PPP2R5B: variants seen among roughly 807,000 people sequenced by gnomAD.
PPP2R5B encodes the protein serine/threonine-protein phosphatase 2A 56 kDa regulatory subunit beta isoform.
In PPP2R5B, 19 loss-of-function variants were observed where a neutral mutation model predicts 59.9. The ratio of observed to expected loss-of-function variants is 0.32; its 90% CI spans 0.22 to 0.47. The LOEUF (loss-of-function observed/expected upper bound fraction) is 0.47. PPP2R5B is among the 20% of genes least tolerant of loss of function. The pLI is 1.00. For synonymous variants in PPP2R5B, 286 were observed against 260.5 expected (o/e 1.10, Z -0.94); for missense variants, 441 against 640.2 (o/e 0.69, Z 3.36).
chr11:64,933,290 G>T, intron 13 of PPP2R5B, 44 bp downstream of exon 13: 1 of 1,519,668 alleles, frequency 6.6e-7, no homozygotes, highest in South Asian at 1.1e-5. Context: ...GAAGAGCAGG[G>T]AGGAGTCAGA....
At chr11:64,919,589 AT>A (rs947837149) in intron 1 of PPP2R5B, among the ~76,000 whole-genome samples, 1 of 151,642 alleles carries the variant, frequency 6.6e-6, no homozygotes, top group African/African-American at 2.4e-5. Context: ...AAAAAAAAAA[AT>A]GTTTCAAAAA....
chr11:64,923,567 G>C (rs1330743549), upstream of PPP2R5B, among the ~76,000 whole-genome samples: 1 of 152,190 alleles, frequency 6.6e-6, no homozygotes, highest in Non-Finnish European at 1.5e-5. Context: ...TCTGCCTTCT[G>C]TTGCTTTGGT....
upstream of PPP2R5B, among the ~76,000 whole-genome samples, chr11:64,920,793 C>T (rs1221489560): frequency 6.6e-6 from 1 of 151,580 alleles, no homozygotes; most frequent in South Asian, 2.1e-4. Context: ...CCACGCCTGG[C>T]TAATTTTTCT....
intron 1 of PPP2R5B, among the ~76,000 whole-genome samples, chr11:64,919,576 CAA>C (rs71471962): frequency 7.2e-6 from 1 of 139,466 alleles, no homozygotes. Context: ...CCTGTGTCTA[CAA>C]AAAAAAAAAA....
upstream of PPP2R5B, among the ~76,000 whole-genome samples, chr11:64,922,753 A>C (rs184270518): frequency 5.9e-4 from 89 of 150,924 alleles, 1 homozygote; most frequent in African/African-American, 2.1e-3. Flanking sequence ...TGGGCGCCTG[A>C]AGTCCCAGCT....
rs1434468960 is a variant in PPP2R5B, at chr11:64,930,322, G to A, written c.723G>A (p.Arg241=). The part of the protein sequence containing the change: ...IRKQCNHIFL[R]FIYEFEHFNG... ...GCCCACCTGCGTTCTTCTCTTGCAGGTTCATCTATGAATTCGAGCACTTCA... is the reference window on the plus strand; with the variant it reads ...GCCCACCTGCGTTCTTCTCTTGCAGATTCATCTATGAATTCGAGCACTTCA... Residue 241 remains arginine, a splice_region_variant and synonymous_variant, in exon 7 of 14, where the codon CGG becomes CGA. Coordinates refer to ENST00000164133, the MANE Select transcript of PPP2R5B (RefSeq NM_006244.4). 2 of 1,613,912 alleles carry A rather than the reference G, an allele frequency of 1.2e-6. No homozygotes were observed. Among genetic ancestry groups the A allele is most frequent in the African/African-American group, 2.7e-5 (2 of 74,894 alleles).
Position 64,924,881 on chromosome 11 carries a change from C to T in PPP2R5B, c.-412C>T, listed in dbSNP as rs114383308. The T allele has an allele frequency of 0.02, 3,088 of 152,478 alleles. 105 individuals carry two copies. Among genetic ancestry groups the T allele is most frequent in the African/African-American group, 0.069 (2,889 of 41,570 alleles). The allele number at this position is 152,478 out of a possible 1,614,324, so 9.4% of individuals were successfully genotyped here. On this transcript the variant is annotated 5_prime_UTR_variant, in exon 1 of 14. Transcript: ENST00000164133. ...TGAGTTGGGGGCATGCTCTAGCCGC[C>T]CCCCCGGAGCCCGGGAGAGAACCCA...
chr11:64,918,358 G>GTTTCT (rs1337939047), intron 1 of PPP2R5B: 1 of 151,922 alleles, frequency 6.6e-6, no homozygotes, highest in African/African-American at 2.4e-5. Context: ...AGGTAATTAT[G>GTTTCT]TTTCTTTTCT....
chr11:64,926,639 G>A, intron 2 of PPP2R5B, 73 bp from the exon 3 acceptor site: 1 of 1,530,092 alleles, frequency 6.5e-7, no homozygotes, highest in Non-Finnish European at 8.9e-7. Flanking sequence ...GAGATTAGGA[G>A]GGTCTGCCCC....
chr11:64,923,088 G>A (rs2136674792), upstream of PPP2R5B: 1 of 152,284 alleles, frequency 6.6e-6, no homozygotes, highest in East Asian at 1.9e-4. Context: ...GCCTCCCAAA[G>A]TATTGAGATT....
chr11:64,929,053 C>T (rs1945201691), intron 6 of PPP2R5B, among the ~76,000 whole-genome samples: 1 of 152,052 alleles, frequency 6.6e-6, no homozygotes, highest in Non-Finnish European at 1.5e-5. Context: ...TTCTGTTTTC[C>T]AAGCCCTTTC....
intron 11 of PPP2R5B, among the ~76,000 whole-genome samples, chr11:64,932,333 G>A (rs1263498525): frequency 1.3e-5 from 2 of 152,224 alleles, no homozygotes; most frequent in Non-Finnish European, 1.5e-5. Flanking sequence ...AGCATGTGCA[G>A]ACTTCCTCCC....
At chr11:64,917,573 G>C (rs1945047017), upstream of PPP2R5B, 3 of 156,570 alleles carry the variant, frequency 1.9e-5, no homozygotes, top group Non-Finnish European at 4.3e-5. Flanking sequence ...ATCAAACTTC[G>C]TAGAAGCCTT....
upstream of PPP2R5B, among the ~76,000 whole-genome samples, chr11:64,923,466 G>T (rs1359766371): frequency 6.6e-6 from 1 of 152,198 alleles, no homozygotes; most frequent in Non-Finnish European, 1.5e-5. Context: ...AAGGCCTGCC[G>T]GAGGTTCCTG....
In PPP2R5B at chr11:64,930,394, G is replaced by A. The variant is rs1273807361; in HGVS notation, c.782+13G>A. 2 of 1,614,006 alleles carry A rather than the reference G, an allele frequency of 1.2e-6. No homozygotes were observed. Among genetic ancestry groups the A allele is most frequent in the Non-Finnish European group, 8.5e-7 (1 of 1,179,908 alleles). On this transcript the variant is annotated intron_variant, in intron 7 of 13. Transcript: ENST00000164133. Reference sequence around the variant, plus strand: ...AGATCCTAGGAAGGTGATTCTCCCTGGGCCTCAGCTGGAGCTCAGGATTCT... The same window carrying A: ...AGATCCTAGGAAGGTGATTCTCCCTAGGCCTCAGCTGGAGCTCAGGATTCT...
chr11:64,931,578 A>G lies in PPP2R5B; in HGVS notation c.965A>G (p.Lys322Arg). The G allele has an allele frequency of 6.2e-7, 1 of 1,614,030 alleles. No individual in the cohort carries two copies. The highest frequency in any genetic ancestry group is 1.1e-5 in the South Asian group (1 of 91,076). Residue 322 changes from lysine to arginine, a missense_variant, in exon 10 of 14, where the codon AAA becomes AGA. Lys to Arg is a conservative substitution (Grantham distance 26). Around this residue, in one of 3 missense-constraint regions of PPP2R5B, gnomAD observed 268 missense variants for 488.1 expected, o/e 0.55. Coordinates refer to ENST00000164133, the MANE Select transcript of PPP2R5B (RefSeq NM_006244.4). The surrounding 1 kb of genome is among the most constrained non-coding windows in gnomAD (Gnocchi z 5.0). Reference sequence around the variant, plus strand: ...CCACAGGTGATCCGGGGGCTGCTCAAATACTGGCCAAAAACCTGCACCCAG... The same window carrying G: ...CCACAGGTGATCCGGGGGCTGCTCAGATACTGGCCAAAAACCTGCACCCAG... Reference protein sequence around the residue: ...LTEHVIRGLLKYWPKTCTQKE... With the variant: ...LTEHVIRGLLRYWPKTCTQKE...
intron 6 of PPP2R5B, among the ~76,000 whole-genome samples, chr11:64,930,058 G>A (rs1945211528): frequency 2.0e-5 from 3 of 152,168 alleles, no homozygotes; most frequent in South Asian, 4.1e-4. Context: ...CTAAGTGTTT[G>A]TCATTCTCTT....
Position 64,925,812 on chromosome 11 carries a change from C to T in PPP2R5B, c.78C>T (p.Asp26=), listed in dbSNP as rs1334709505. The change falls in exon 2 of 14, where the codon GAC becomes GAT. Residue 26 remains aspartate (D), a synonymous_variant. Coordinates refer to ENST00000164133, the MANE Select transcript of PPP2R5B (RefSeq NM_006244.4). The surrounding 1 kb of genome is among the most constrained non-coding windows in gnomAD (Gnocchi z 4.6). ...SPGLSPVPPP[D]KVDGFSRRSL... ...GGCTGTCGCCTGTGCCCCCACCCGA[C>T]AAGGTGGACGGCTTCTCCCGCCGTT... is the stretch of plus-strand genomic sequence containing the variant. 1 of 1,602,142 alleles carries T rather than the reference C, an allele frequency of 6.2e-7. No homozygotes were observed. The highest frequency in any genetic ancestry group is 2.2e-5 in the East Asian group (1 of 44,718).
chr11:64,927,631 T>C, intron 3 of PPP2R5B, 171 bp from the exon 4 acceptor site: 1 of 599,080 alleles, frequency 1.7e-6, no homozygotes, highest in Non-Finnish European at 2.9e-6. Flanking sequence ...TGAGCCTGCC[T>C]GGGAGGTTGA....
Sources: allele counts gnomAD v4.1 joint callset (sites outside exome capture counted in the v4.1 genomes callset), GRCh38; gene constraint gnomAD v4.1.1; regional missense constraint gnomAD v4.1.1; non-coding constraint Gnocchi (gnomAD v3.1); transcripts MANE v1.5; gene names NCBI Gene and HGNC (gene_info 2026-07-23, HGNC 2026-07-21).